The following GPR35 variants were observed in gnomAD, a reference collection of about 807,000 sequenced individuals.
GPR35 encodes G protein-coupled receptor 35, also known as KYNA receptor.
For synonymous variants in GPR35, 207 were observed against 198.4 expected, an observed-to-expected ratio of 1.04 and a Z score of -0.36; for missense variants, 372 against 422.5, an observed-to-expected ratio of 0.88 and a Z score of 1.05.
intron 2 of GPR35, among the ~76,000 whole-genome samples, chr2:240,612,654 G>A (rs1340887381): frequency 1.3e-5 from 2 of 152,210 alleles, no homozygotes; most frequent in East Asian, 3.9e-4. Context: ...TCTGTGAGTG[G>A]GAACTTCTCT....
intron 3 of GPR35, chr2:240,616,983 G>A (rs754702020): frequency 1.3e-6 from 1 of 771,162 alleles, no homozygotes; most frequent in South Asian, 1.4e-5. Flanking sequence ...CAGCCACCTG[G>A]GGGAGCTGGA....
At position 240,630,464 on chromosome 2, in the gene GPR35, A is replaced by T. The variant is rs564536714; in HGVS notation, c.512A>T (p.Asn171Ile). 1.1e-5 allele frequency: 18 copies of T among 1,611,778 alleles called. No homozygotes were observed. The highest frequency in any genetic ancestry group is 1.5e-5 in the Non-Finnish European group (18 of 1,179,672). ...TTCAGGAGCACCCGGCACAATTTCA[A>T]CTCCATGGCGTTCCCGCTGCTGGGA... ...FCFRSTRHNF[N>I]SMAFPLLGFY... Residue 171 changes from asparagine to isoleucine, a missense_variant, in exon 2 of 2, where the codon AAC becomes ATC. Coordinates refer to ENST00000407714, the MANE Select transcript of GPR35 (RefSeq NM_005301.5).
chr2:240,615,318 C>T (rs1393812005), intron 2 of GPR35, among the ~76,000 whole-genome samples: 1 of 152,166 alleles, frequency 6.6e-6, no homozygotes, highest in African/African-American at 2.4e-5. Context: ...GTCCCTTCTC[C>T]GTCTGTTTCC....
Position 240,632,963 on chromosome 2 carries a change from T to A in GPR35, c.*2081T>A, listed in dbSNP as rs553410156. Among the ~76,000 whole-genome samples the A allele has an allele frequency of 3.8e-4, 58 of 152,368 alleles. 1 individual carries two copies. The highest frequency in any genetic ancestry group is 1.4e-3 in the African/African-American group (57 of 41,590). On this transcript the variant is annotated 3_prime_UTR_variant, in exon 2 of 2. Transcript: ENST00000407714. Reference sequence around the variant, plus strand: ...ATCATGGGGGCTGTTTCCCACATGCTGTTCTCATGATAGTGAGTGAGTTCT... The same window carrying A: ...ATCATGGGGGCTGTTTCCCACATGCAGTTCTCATGATAGTGAGTGAGTTCT...
Position 240,630,832 on chromosome 2 carries a change from A to C in GPR35, c.880A>C (p.Ser294Arg), listed in dbSNP as rs3749172. Residue 294 changes from serine to arginine, a missense_variant, in exon 2 of 2, where the codon AGT becomes CGT. By Grantham distance (110) the Ser-to-Arg change is moderately radical. Transcript: ENST00000407714. The stretch of plus-strand genomic sequence containing the variant: ...GGCGTCTGCACTGGCCGTGGCTCCC[A>C]GTGCTAAGGCCCACAAAAGCCAGGA... ...QEASALAVAPSAKAHKSQDSL... is the reference protein window; with the variant it reads ...QEASALAVAPRAKAHKSQDSL... 911,002 of 1,612,842 alleles carry C rather than the reference A, an allele frequency of 0.56. 265,508 individuals are homozygous for C. The highest frequency in any genetic ancestry group is 0.78 in the South Asian group (70,714 of 91,074).
In GPR35 at chr2:240,631,835, C is replaced by T. The variant is rs1240120299; in HGVS notation, c.*953C>T. Among the ~76,000 whole-genome samples the T allele has an allele frequency of 6.6e-6, 1 of 152,252 alleles. No homozygotes were observed. Among genetic ancestry groups the T allele is most frequent in the Non-Finnish European group, 1.5e-5 (1 of 68,046 alleles). On this transcript the variant is annotated 3_prime_UTR_variant, in exon 2 of 2. Transcript: ENST00000407714. ...GCCAGCACGGCCTGGGCTCAAACCC[C>T]ATCCTGTCATCCCATATTGCATGTC...
upstream of GPR35, among the ~76,000 whole-genome samples, chr2:240,625,091 G>A (rs1178153975): frequency 1.3e-5 from 2 of 152,142 alleles, no homozygotes; most frequent in African/African-American, 2.4e-5. Flanking sequence ...GGCATGAGGC[G>A]CTGGGGAGGG....
chr2:240,619,909 G>C (rs1410356368), intron 5 of GPR35, among the ~76,000 whole-genome samples: 1 of 152,200 alleles, frequency 6.6e-6, no homozygotes, highest in Non-Finnish European at 1.5e-5. Flanking sequence ...AGTTGGGAGG[G>C]CCTCAAGCGG....
chr2:240,618,717 A>G (rs73005895), intron 4 of GPR35, among the ~76,000 whole-genome samples: 6,302 of 152,294 alleles, frequency 0.041, 157 homozygotes, highest in South Asian at 0.078. Context: ...TTTAATTTAA[A>G]GCAAATTTTG....
At position 240,630,562 on chromosome 2, in the gene GPR35, A is replaced by T. The variant is rs559709613; in HGVS notation, c.610A>T (p.Thr204Ser). The T allele has an allele frequency of 6.2e-7, 1 of 1,612,720 alleles. No homozygotes were observed. Among genetic ancestry groups the T allele is most frequent in the Admixed American group, 1.7e-5 (1 of 60,006 alleles). The change falls in exon 2 of 2, where the codon ACC becomes TCC. Residue 204 changes from threonine to serine, a missense_variant. Coordinates refer to ENST00000407714, the MANE Select transcript of GPR35 (RefSeq NM_005301.5). ...GACTGCCCTGGCCCAGAGGCCACCC[A>T]CCGACGTGGGGCAGGCAGAGGCCAC... ...VVTALAQRPP[T>S]DVGQAEATRK...
At chr2:240,616,531 G>T in intron 3 of GPR35, 2 of 777,300 alleles carry the variant, frequency 2.6e-6, no homozygotes, top group South Asian at 1.3e-5. Context: ...TTGGTTTTTT[G>T]ACAAGCCCAC....
chr2:240,610,647 C>CT (rs2043174222), intron 2 of GPR35, among the ~76,000 whole-genome samples: 1 of 150,622 alleles, frequency 6.6e-6, no homozygotes, highest in Admixed American at 6.6e-5. Context: ...TTTTTTTTTT[C>CT]TTTTTTTGAG....
intron 2 of GPR35, among the ~76,000 whole-genome samples, chr2:240,614,483 C>T (rs1036493552): frequency 8.5e-5 from 13 of 152,244 alleles, no homozygotes; most frequent in Non-Finnish European, 1.6e-4. Context: ...GCCCCCAGGC[C>T]TTGGTTTCCC....
intron 1 of GPR35, 53 bp downstream of exon 1, chr2:240,625,621 G>A: frequency 1.1e-6 from 1 of 890,106 alleles, no homozygotes; most frequent in Non-Finnish European, 1.3e-6. Flanking sequence ...GGGCATGGTG[G>A]GGGTCTCAGA....
At position 240,630,207 on chromosome 2, in the gene GPR35, C is replaced by A; in HGVS notation, c.255C>A (p.Asp85Glu). ...FVLHSLRDTS[D>E]TPLCQLSQGI... ...TGCACTCCCTGCGAGACACCTCAGA[C>A]ACGCCGCTGTGCCAGCTCTCCCAGG... is the stretch of plus-strand genomic sequence containing the variant. The change falls in exon 2 of 2, where the codon GAC (aspartate) becomes GAA (glutamate). Residue 85 changes from aspartate (D) to glutamate (E), a missense_variant. Coordinates refer to ENST00000407714, the MANE Select transcript of GPR35 (RefSeq NM_005301.5). 1 of 1,576,154 alleles carries A rather than the reference C, an allele frequency of 6.3e-7. No homozygotes were observed. The highest frequency in any genetic ancestry group is 1.1e-5 in the South Asian group (1 of 88,556).
At chr2:240,619,475 GCTT>G (rs2043270307) in intron 5 of GPR35, among the ~76,000 whole-genome samples, 1 of 152,208 alleles carries the variant, frequency 6.6e-6, no homozygotes, top group Non-Finnish European at 1.5e-5. Flanking sequence ...TCCACACAGT[GCTT>G]CTTCTGGGGT....
Position 240,631,236 on chromosome 2 carries a change from A to G in GPR35, c.*354A>G. The G allele has an allele frequency of 7.0e-6, 2 of 287,282 alleles. No individual in the cohort carries two copies. The highest frequency in any genetic ancestry group is 7.2e-5 in the South Asian group (1 of 13,826). The allele number at this position is 287,282 out of a possible 1,614,324, so 17.8% of individuals were successfully genotyped here. On this transcript the variant is annotated 3_prime_UTR_variant, in exon 2 of 2. Coordinates refer to ENST00000407714, the MANE Select transcript of GPR35 (RefSeq NM_005301.5). ...CGCTGCCCCTCGGGGCTGGAATAAA[A>G]CTCCCCACCCAGAGTCAGTCCTAGT...
chr2:240,616,885 G>A, intron 3 of GPR35: 1 of 740,274 alleles, frequency 1.4e-6, no homozygotes, highest in East Asian at 2.5e-5. Flanking sequence ...CCTGTGAAGA[G>A]GCATGGCCAG....
intron 3 of GPR35, among the ~76,000 whole-genome samples, chr2:240,616,800 G>C (rs1273231170): frequency 6.7e-6 from 1 of 149,066 alleles, no homozygotes; most frequent in African/African-American, 2.5e-5. Flanking sequence ...GGTTGAAAGA[G>C]ACCATGGCAT....
Sources: allele counts gnomAD v4.1 joint callset (sites outside exome capture counted in the v4.1 genomes callset), GRCh38; gene constraint gnomAD v4.1.1; transcripts MANE v1.5; gene names NCBI Gene and HGNC (gene_info 2026-07-23, HGNC 2026-07-21).